Variants in RMND5B observed in about 807,000 individuals in gnomAD.
The protein encoded by RMND5B is required for meiotic nuclear division 5 homolog B.
Under a neutral mutation model 50.4 loss-of-function variants are expected in RMND5B, and 42 were observed. The observed-to-expected ratio is 0.83, with a 90% CI of 0.65 to 1.08. The LOEUF is 1.08. RMND5B is among the 50% of genes least tolerant of loss of function. The probability of loss-of-function intolerance (pLI) is 0.00; values close to 1 mark genes in which losing one functional copy is unlikely to be tolerated. For synonymous variants in RMND5B, 220 were observed against 210.0 expected (o/e 1.05, Z -0.41); for missense variants, 463 against 508.5 (o/e 0.91, Z 0.86).
At chr5:178,131,148 C>A (rs1758268915) in intron 1 of RMND5B, 89 bp from the exon 2 acceptor site, 1 of 152,220 alleles carries the variant, frequency 6.6e-6, no homozygotes, top group Non-Finnish European at 1.5e-5. Context: ...AAAGCTCGGC[C>A]GGCCTCCCGG....
At chr5:178,134,241 T>C (rs1195889255) in intron 2 of RMND5B, among the ~76,000 whole-genome samples, 2 of 152,182 alleles carry the variant, frequency 1.3e-5, no homozygotes, top group Admixed American at 1.3e-4. Flanking sequence ...GAGATTTCAC[T>C]GAGGGCTCAA....
In RMND5B at chr5:178,147,731, T is replaced by A; in HGVS notation, c.966T>A (p.Ile322=). The change falls in exon 10 of 11, where the codon ATT becomes ATA. Residue 322 remains isoleucine, a splice_region_variant and synonymous_variant. Coordinates refer to ENST00000313386, the MANE Select transcript of RMND5B (RefSeq NM_022762.5). The stretch of plus-strand genomic sequence containing the variant: ...ACCCGCTTCGCTGCCCTTCCCAGAT[T>A]GAGATTGAACTAGGCATGAAGTGCT... ...GVWNHKDELP[I]EIELGMKCWY... The A allele has an allele frequency of 6.2e-7, 1 of 1,613,404 alleles. No homozygotes were observed. The highest frequency in any genetic ancestry group is 8.5e-7 in the Non-Finnish European group (1 of 1,179,358).
rs527888541 is a variant in RMND5B, at chr5:178,137,338, A to G, written c.-12-770A>G. On this transcript the variant is annotated intron_variant, in intron 2 of 10. Coordinates refer to ENST00000313386, the MANE Select transcript of RMND5B (RefSeq NM_022762.5). This position sits in a 1 kb window ranked among gnomAD's most constrained non-coding sequence, Gnocchi z 4.4. ...GACGGCCTTTATGGTTTATGTTACTATAGTACGTAGAAAAGCAGTTCCTCT... is the reference window on the plus strand; with the variant it reads ...GACGGCCTTTATGGTTTATGTTACTGTAGTACGTAGAAAAGCAGTTCCTCT... Among the ~76,000 whole-genome samples, 31 of 152,270 alleles carry G rather than the reference A, an allele frequency of 2.0e-4. No homozygotes were observed. The highest frequency in any genetic ancestry group is 1.8e-3 in the Admixed American group (27 of 15,284).
intron 2 of RMND5B, chr5:178,135,219 G>A: frequency 4.5e-6 from 1 of 220,488 alleles, no homozygotes; most frequent in South Asian, 4.3e-5. Flanking sequence ...AATCATGGCT[G>A]ACTGCAGCCT....
Position 178,137,992 on chromosome 5 carries a change from A to G in RMND5B, c.-12-116A>G, listed in dbSNP as rs1334008715. ...ATATATACATATATGTACAAAACATATAACATTGATACATGATGTGGGAAT... is the reference window on the plus strand; with the variant it reads ...ATATATACATATATGTACAAAACATGTAACATTGATACATGATGTGGGAAT... On this transcript the variant is annotated intron_variant, in intron 2 of 10. Coordinates refer to ENST00000313386, the MANE Select transcript of RMND5B (RefSeq NM_022762.5). This position sits in a 1 kb window ranked among gnomAD's most constrained non-coding sequence, Gnocchi z 4.4. 8.4e-5 allele frequency: 78 copies of G among 932,862 alleles called. No homozygotes were observed. Among genetic ancestry groups the G allele is most frequent in the South Asian group, 7.9e-4 (45 of 57,036 alleles). 57.8% of individuals were successfully genotyped at this position (932,862 alleles called of 1,614,324 possible).
chr5:178,149,628 T>C lies in RMND5B; in HGVS notation c.*1596T>C. The C allele has an allele frequency of 6.3e-7, 1 of 1,579,658 alleles. No homozygotes were observed. Among genetic ancestry groups the C allele is most frequent in the Non-Finnish European group, 8.7e-7 (1 of 1,154,954 alleles). On this transcript the variant is annotated 3_prime_UTR_variant, in exon 11 of 11. Transcript: ENST00000313386. ...TGGGGAACTGGGAAGATGCCGTCAG[T>C]GTGGGTGGGCAGGAGGACAGCCAGT...
In RMND5B at chr5:178,149,801, C is replaced by A; in HGVS notation, c.*1769C>A. On this transcript the variant is annotated 3_prime_UTR_variant, in exon 11 of 11. Transcript: ENST00000313386. ...CTCATGGGGCTTGACCATTATCACA[C>A]AGGTGGGGCGCTTGGAGCCTGCGGC... 1 of 1,613,964 alleles carries A rather than the reference C, an allele frequency of 6.2e-7. No individual in the cohort carries two copies.
chr5:178,136,014 T>A (rs1758605730), intron 2 of RMND5B: 1 of 152,228 alleles, frequency 6.6e-6, no homozygotes, highest in Admixed American at 6.5e-5. Flanking sequence ...GCTCTTTCCT[T>A]TCCTGGTGAA....
rs58184119 is a variant in RMND5B at position 178,150,483 on chromosome 5, T to A, written c.*2451T>A. 3,412 of 358,914 alleles carry A rather than the reference T, an allele frequency of 9.5e-3. 122 individuals are homozygous for A. The highest frequency in any genetic ancestry group is 0.065 in the African/African-American group (3,059 of 46,946). The allele number at this position is 358,914 out of a possible 1,614,324, so 22.2% of individuals were successfully genotyped here. ...GCAGCCTTGAACTCCTGGGTTCAAG[T>A]GATCTCCTGCTTTAGCCTCCCAAGT... On this transcript the variant is annotated 3_prime_UTR_variant, in exon 11 of 11. Transcript: ENST00000313386.
intron 3 of RMND5B, among the ~76,000 whole-genome samples, chr5:178,139,141 CAAAA>C (rs1225679815): frequency 1.3e-5 from 2 of 151,734 alleles, no homozygotes; most frequent in African/African-American, 2.4e-5. Context: ...TCTCAAAAAA[CAAAA>C]TAAATAAATC....
intron 2 of RMND5B, among the ~76,000 whole-genome samples, chr5:178,132,884 T>TG (rs1225589677): frequency 3.5e-5 from 2 of 56,536 alleles, no homozygotes; most frequent in African/African-American, 1.2e-4. Context: ...TTTGTTTTTT[T>TG]GAGACAGTCT....
intron 2 of RMND5B, among the ~76,000 whole-genome samples, chr5:178,131,718 G>T (rs537233937): frequency 1.3e-5 from 2 of 152,304 alleles, no homozygotes; most frequent in South Asian, 4.1e-4. Flanking sequence ...TAGGAGGCAG[G>T]CTTAGGAAGA....
chr5:178,137,741 CTAGT>C lies in RMND5B; in HGVS notation c.-12-363_-12-360del, dbSNP rs1758692524. On this transcript the variant is annotated intron_variant, in intron 2 of 10. Transcript: ENST00000313386. The surrounding 1 kb of genome is among the most constrained non-coding windows in gnomAD (Gnocchi z 4.4). ...ATGACATTATGCAGTATATGGATTT[CTAGT>C]TAGATAGTATTGCCAGCTAAGGGCT... 6.6e-6 allele frequency among the ~76,000 whole-genome samples: 1 copy of C among 152,082 alleles called. No individual in the cohort carries two copies. Among genetic ancestry groups the C allele is most frequent in the Non-Finnish European group, 1.5e-5 (1 of 68,018 alleles).
At chr5:178,142,802 G>A (rs200783059) in intron 4 of RMND5B, 50 bp from the exon 5 acceptor site, 1 of 1,614,260 alleles carries the variant, frequency 6.2e-7, no homozygotes, top group Non-Finnish European at 8.5e-7. Context: ...TCGAAGGAGA[G>A]CCAGCAAGAG....
At chr5:178,139,266 G>A (rs373438987) in intron 3 of RMND5B, among the ~76,000 whole-genome samples, 3 of 150,544 alleles carry the variant, frequency 2.0e-5, no homozygotes, top group Admixed American at 6.6e-5. Context: ...GTGCAGTGGC[G>A]TGATCTTGGC....
chr5:178,134,825 A>T lies in RMND5B; in HGVS notation c.-12-3283A>T, dbSNP rs564829541. On this transcript the variant is annotated intron_variant, in intron 2 of 10. Transcript: ENST00000313386. The stretch of plus-strand genomic sequence containing the variant: ...TTACTAAAAATACAAAAATGAAAAA[A>T]AAAAAAAGCCAGGTGTGGTGGTGCA... 1.1e-4 allele frequency among the ~76,000 whole-genome samples: 16 copies of T among 152,088 alleles called. No individual in the cohort carries two copies. The East Asian group carries it at 1.4e-3, about 13-fold the overall frequency.
At chr5:178,145,229 G>T (rs1755929145) in intron 7 of RMND5B, among the ~76,000 whole-genome samples, 1 of 151,860 alleles carries the variant, frequency 6.6e-6, no homozygotes. Flanking sequence ...GCTCACACCT[G>T]TAATCCCAGC....
intron 5 of RMND5B, 86 bp downstream of exon 5, chr5:178,143,078 C>A: frequency 6.9e-7 from 1 of 1,444,294 alleles, no homozygotes; most frequent in South Asian, 1.4e-5. Context: ...CTACCATTCT[C>A]AAATCCATTT....
rs1759032546 is a variant in RMND5B, at chr5:178,142,929, G to T, written c.363G>T (p.Gln121His). The part of the protein sequence containing the change: ...DAREQQQQIL[Q>H]MAIVEHLYQQ... ...GGGAACAGCAGCAGCAGATCCTGCA[G>T]ATGGCCATCGTGGAACACCTGTATC... is the stretch of plus-strand genomic sequence containing the variant. The change falls in exon 5 of 11, where the codon CAG becomes CAT. Residue 121 changes from glutamine (Q) to histidine (H), a missense_variant. By Grantham distance (24) the Gln-to-His change is conservative (BLOSUM62 0). Transcript: ENST00000313386. The T allele has an allele frequency of 6.2e-7, 1 of 1,614,260 alleles. No homozygotes were observed. The highest frequency in any genetic ancestry group is 8.5e-7 in the Non-Finnish European group (1 of 1,180,052).
Sources: gnomAD v4.1 joint callset for allele counts (sites outside exome capture counted in the v4.1 genomes callset) on GRCh38, gnomAD v4.1.1 for gene constraint, Gnocchi (gnomAD v3.1) non-coding constraint, MANE v1.5 for transcripts, NCBI Gene and HGNC (gene_info 2026-07-23, HGNC 2026-07-21) for gene names.